CELF2: variants seen among roughly 807,000 people sequenced by gnomAD.
CELF2 encodes CUGBP Elav-like family member 2.
In CELF2, 8 loss-of-function variants were observed where a neutral mutation model predicts 62.6. The ratio of observed to expected loss-of-function variants is 0.13; its 90% CI spans 0.07 to 0.23. The LOEUF (loss-of-function observed/expected upper bound fraction) is 0.23, where lower values mean the gene tolerates loss of function less well. CELF2 is among the 10% of genes least tolerant of loss of function. CELF2 has a pLI of 1.00. For synonymous variants in CELF2, 258 were observed against 250.0 expected (o/e 1.03, Z -0.30); for missense variants, 333 against 671.0 (o/e 0.50, Z 5.56).
the CELF2 span, among the ~76,000 whole-genome samples, chr10:10,669,925 G>A: frequency 3.5e-5 from 5 of 141,264 alleles, no homozygotes; most frequent in East Asian, 2.0e-4. Context: ...TTTTTGAGAC[G>A]GAGTTTTGCT....
At chr10:10,694,725 G>T in the CELF2 span, among the ~76,000 whole-genome samples, 1 of 151,814 alleles carries the variant, frequency 6.6e-6, no homozygotes, top group Non-Finnish European at 1.5e-5. Flanking sequence ...ATTTAGGATA[G>T]TTAGCTCTTC....
intron 2 of CELF2, among the ~76,000 whole-genome samples, chr10:11,176,881 A>G (rs1429988764): frequency 1.3e-5 from 2 of 152,152 alleles, no homozygotes; most frequent in East Asian, 3.8e-4. Flanking sequence ...AGTTTTGAAG[A>G]TGGTGGGTTA....
chr10:10,772,705 A>G, the CELF2 span, among the ~76,000 whole-genome samples: 1 of 152,234 alleles, frequency 6.6e-6, no homozygotes, highest in Non-Finnish European at 1.5e-5. Context: ...ATAGAGGAGA[A>G]GCTCAAGATT....
intron 1 of CELF2, among the ~76,000 whole-genome samples, chr10:10,852,062 G>T (rs1462366474): frequency 6.6e-6 from 1 of 152,142 alleles, no homozygotes; most frequent in Admixed American, 6.5e-5. Flanking sequence ...AAGTTAAATA[G>T]GTATCTATCA....
In CELF2 at chr10:11,008,318, G is replaced by T. The variant is rs1416663168; in HGVS notation, c.53+2878G>T. Among the ~76,000 whole-genome samples the T allele has an allele frequency of 6.6e-6, 1 of 152,128 alleles. No individual in the cohort carries two copies. Among genetic ancestry groups the T allele is most frequent in the African/African-American group, 2.4e-5 (1 of 41,422 alleles). ...TAAGCCCTTCTGCCATGAGCTTTGG[G>T]AATATTCACATAGATGTGTTCAGCA... On this transcript the variant is annotated intron_variant, in intron 1 of 12. Transcript: ENST00000416382. The surrounding 1 kb of genome is among the most constrained non-coding windows in gnomAD (Gnocchi z 4.5).
chr10:11,059,146 A>C (rs1051227020), intron 1 of CELF2, among the ~76,000 whole-genome samples: 2 of 152,192 alleles, frequency 1.3e-5, no homozygotes, highest in Non-Finnish European at 2.9e-5. Flanking sequence ...AGCGCCCTCC[A>C]CTAGTAAACA....
the CELF2 span, among the ~76,000 whole-genome samples, chr10:10,676,414 G>A: frequency 1.3e-4 from 20 of 152,124 alleles, no homozygotes; most frequent in Non-Finnish European, 2.2e-4. Context: ...TTTTCCTAAG[G>A]GTAGACTTTG....
chr10:11,005,516 T>C lies in CELF2; in HGVS notation c.53+76T>C. 1.2e-6 allele frequency: 2 copies of C among 1,609,088 alleles called. No homozygotes were observed. Among genetic ancestry groups the C allele is most frequent in the Non-Finnish European group, 8.5e-7 (1 of 1,175,964 alleles). On this transcript the variant is annotated intron_variant, in intron 1 of 12. Coordinates refer to the CELF2 transcript ENST00000416382. The surrounding 1 kb of genome is among the most constrained non-coding windows in gnomAD (Gnocchi z 4.3). ...GCTGGCTGAGACAATAATTATGCTC[T>C]GAATCAAGTAGCTTCCTTACCTTAG...
chr10:10,925,194 G>T (rs566772863), intron 2 of CELF2: 1 of 151,990 alleles, frequency 6.6e-6, no homozygotes, highest in Non-Finnish European at 1.5e-5. Flanking sequence ...AAAGACTTTC[G>T]AAAATTAAGA....
intron 2 of CELF2, among the ~76,000 whole-genome samples, chr10:10,978,460 G>T (rs923323232): frequency 6.6e-6 from 1 of 152,046 alleles, no homozygotes; most frequent in African/African-American, 2.4e-5. Flanking sequence ...CAATTAAGAT[G>T]GCAAGAACAG....
chr10:10,585,784 T>C, the CELF2 span, among the ~76,000 whole-genome samples: 1 of 152,196 alleles, frequency 6.6e-6, no homozygotes, highest in Non-Finnish European at 1.5e-5. Flanking sequence ...TCCCAATACA[T>C]TTCAAGAGTA....
At chr10:11,176,351 G>T (rs1426960696) in intron 2 of CELF2, among the ~76,000 whole-genome samples, 2 of 152,130 alleles carry the variant, frequency 1.3e-5, no homozygotes, top group African/African-American at 4.8e-5. Context: ...CATCAAGCGG[G>T]TCCTCGTACC....
chr10:10,686,313 G>GGT, the CELF2 span, among the ~76,000 whole-genome samples: 9 of 68,686 alleles, frequency 1.3e-4, no homozygotes, highest in Middle Eastern at 0.048. Context: ...GATTTTTTGG[G>GGT]GGGGGGGGTG....
chr10:11,043,042 G>T (rs1171597158), intron 1 of CELF2, among the ~76,000 whole-genome samples: 1 of 152,220 alleles, frequency 6.6e-6, no homozygotes, highest in African/African-American at 2.4e-5. Flanking sequence ...GCCTAGGAGT[G>T]AAGTTGCTTG....
At chr10:10,517,467 A>G in the CELF2 span, among the ~76,000 whole-genome samples, 1 of 152,176 alleles carries the variant, frequency 6.6e-6, no homozygotes, top group Non-Finnish European at 1.5e-5. Flanking sequence ...GGTCAGCTCC[A>G]TTCATAACAA....
chr10:11,318,602 G>C lies in CELF2; in HGVS notation c.1097-2587G>C. ...GAAGGATGTGGCTGGAATGTCACTG[G>C]CTGGAGCTCCAAGCCTCACAATACC... is the stretch of plus-strand genomic sequence containing the variant. On this transcript the variant is annotated intron_variant, in intron 10 of 12. Transcript: ENST00000633077. This position sits in a 1 kb window ranked among gnomAD's most constrained non-coding sequence, Gnocchi z 5.4. 2.7e-6 allele frequency: 1 copy of C among 374,966 alleles called. No individual in the cohort carries two copies. The highest frequency in any genetic ancestry group is 2.1e-5 in the South Asian group (1 of 48,048). The allele number at this position is 374,966 out of a possible 1,614,324, so 23.2% of individuals were successfully genotyped here.
rs112115717 is a variant in CELF2 at position 11,285,980 on chromosome 10, G to A, written c.842-2438G>A. Among the ~76,000 whole-genome samples, 1 of 152,130 alleles carries A rather than the reference G, an allele frequency of 6.6e-6. No individual in the cohort carries two copies. On this transcript the variant is annotated intron_variant, in intron 8 of 12. Coordinates refer to ENST00000633077, the MANE Select transcript of CELF2 (RefSeq NM_001326342.2). The surrounding 1 kb of genome is among the most constrained non-coding windows in gnomAD (Gnocchi z 4.3). The stretch of plus-strand genomic sequence containing the variant: ...AATACATATAAATAATGTCAACATA[G>A]GGTATGATGAGAGCCACGAAAGAGT...
chr10:10,775,020 A>G, the CELF2 span, among the ~76,000 whole-genome samples: 12 of 152,014 alleles, frequency 7.9e-5, no homozygotes, highest in South Asian at 1.5e-3. Context: ...CTGGGATCAC[A>G]GGTGTTCACC....
chr10:11,288,435 T>A lies in CELF2; in HGVS notation c.859T>A (p.Leu287Met). 1 of 1,614,104 alleles carries A rather than the reference T, an allele frequency of 6.2e-7. No homozygotes were observed. Among genetic ancestry groups the A allele is most frequent in the Non-Finnish European group, 8.5e-7 (1 of 1,180,022 alleles). The change falls in exon 9 of 13, where the codon TTG becomes ATG. Residue 287 changes from leucine to methionine, a missense_variant. Coordinates refer to ENST00000633077, the MANE Select transcript of CELF2 (RefSeq NM_001326342.2). Reference protein sequence around the residue: ...QQMAGMNALQLQNLATLAAAA... With the variant: ...QQMAGMNALQMQNLATLAAAA... ...CTCCACAGGCATGAATGCTTTACAG[T>A]TGCAGAACCTGGCGACGCTGGCTGC...
Sources: allele counts gnomAD v4.1 joint callset (sites outside exome capture counted in the v4.1 genomes callset), GRCh38; gene constraint gnomAD v4.1.1; non-coding constraint Gnocchi (gnomAD v3.1); transcripts MANE v1.5; gene names NCBI Gene and HGNC (gene_info 2026-07-23, HGNC 2026-07-21).